TANGO6: variants seen among roughly 807,000 people sequenced by gnomAD.
TANGO6 encodes transport and Golgi organization protein 6 homolog.
Under a neutral mutation model 114.2 loss-of-function variants are expected in TANGO6, and 90 were observed. That is an observed-to-expected ratio of 0.79 (90% CI 0.66 to 0.94). TANGO6 has a LOEUF of 0.94. Ranked by LOEUF, TANGO6 falls within the 40% of genes least tolerant of loss-of-function variation. The pLI is 0.00. For synonymous variants in TANGO6, 477 were observed against 509.8 expected, an observed-to-expected ratio of 0.94 and a Z score of 0.87; for missense variants, 1,274 against 1,315.3, an observed-to-expected ratio of 0.97 and a Z score of 0.49.
intron 17 of TANGO6, among the ~76,000 whole-genome samples, chr16:69,067,165 G>A (rs999913143): frequency 3.9e-5 from 6 of 152,098 alleles, no homozygotes; most frequent in African/African-American, 9.7e-5. Context: ...CCGAAGTGCC[G>A]GGATCATAGG....
At chr16:69,039,918 T>C (rs1959748022) in intron 16 of TANGO6, among the ~76,000 whole-genome samples, 1 of 152,208 alleles carries the variant, frequency 6.6e-6, no homozygotes, top group Admixed American at 6.5e-5. Context: ...CCTCAGTCTC[T>C]AGAAGCAGCT....
intron 17 of TANGO6, among the ~76,000 whole-genome samples, chr16:69,054,148 G>A (rs1959996212): frequency 6.6e-6 from 1 of 152,204 alleles, no homozygotes; most frequent in East Asian, 1.9e-4. Flanking sequence ...GAAAGAGAAG[G>A]ATGGAGGTCT....
chr16:68,912,016 C>A (rs1205416493), intron 11 of TANGO6, among the ~76,000 whole-genome samples: 18 of 152,164 alleles, frequency 1.2e-4, no homozygotes, highest in Admixed American at 1.2e-3. Context: ...AAAAAACCCT[C>A]ATAGGACATC....
At chr16:69,024,233 T>G (rs1030182411) in intron 16 of TANGO6, among the ~76,000 whole-genome samples, 3 of 150,838 alleles carry the variant, frequency 2.0e-5, no homozygotes, top group Non-Finnish European at 2.9e-5. Flanking sequence ...AATGTGCGTC[T>G]TGCCCCTGGC....
At chr16:68,982,283 G>T (rs999702062) in intron 15 of TANGO6, among the ~76,000 whole-genome samples, 8 of 152,124 alleles carry the variant, frequency 5.3e-5, no homozygotes, top group African/African-American at 1.9e-4. Flanking sequence ...CCCTGGAGTT[G>T]TATAATATAC....
intron 17 of TANGO6, among the ~76,000 whole-genome samples, chr16:69,047,103 C>T (rs1450873980): frequency 6.6e-6 from 1 of 151,270 alleles, no homozygotes; most frequent in African/African-American, 2.4e-5. Context: ...ATCACTTGAA[C>T]CCAGGAGGTG....
At chr16:69,065,870 A>G (rs1292726773) in intron 17 of TANGO6, among the ~76,000 whole-genome samples, 2 of 152,156 alleles carry the variant, frequency 1.3e-5, no homozygotes, top group African/African-American at 2.4e-5. Context: ...TTTTATCAGG[A>G]AAGCATTATT....
chr16:68,913,177 C>T (rs1219685163), intron 11 of TANGO6, among the ~76,000 whole-genome samples: 2 of 151,800 alleles, frequency 1.3e-5, no homozygotes, highest in Non-Finnish European at 2.9e-5. Context: ...GCAATCCTCC[C>T]ACCTTAGCCT....
At chr16:68,991,721 G>A (rs1963947464) in intron 15 of TANGO6, among the ~76,000 whole-genome samples, 1 of 152,126 alleles carries the variant, frequency 6.6e-6, no homozygotes, top group Non-Finnish European at 1.5e-5. Context: ...GGGAGGCTGA[G>A]GCAGAAGAAT....
chr16:69,025,525 A>G (rs1406951689), intron 16 of TANGO6, among the ~76,000 whole-genome samples: 1 of 152,218 alleles, frequency 6.6e-6, no homozygotes, highest in Non-Finnish European at 1.5e-5. Flanking sequence ...TAGAAAACCA[A>G]TTAGGAAATG....
chr16:69,040,532 C>A, intron 17 of TANGO6, 111 bp downstream of exon 17: 1 of 810,654 alleles, frequency 1.2e-6, no homozygotes, highest in Non-Finnish European at 2.0e-6. Flanking sequence ...TGGATTCATC[C>A]AAATGAATCC....
At position 68,846,667 on chromosome 16, in the gene TANGO6, C is replaced by CTT. The variant is rs1260147357; in HGVS notation, c.94+2974_94+2975dup. ...CATGCCACTGTGCCTGGCTAATTTT[C>CTT]TTTTTTTTTTTTTTTTTTTAGTAGA... is the stretch of plus-strand genomic sequence containing the variant. On this transcript the variant is annotated intron_variant, in intron 1 of 17. Transcript: ENST00000261778. 5.8e-4 allele frequency: 73 copies of CTT among 124,848 alleles called. 1 individual carries two copies. The highest frequency in any genetic ancestry group is 2.1e-3 in the South Asian group (10 of 4,752). 7.7% of individuals were successfully genotyped at this position (124,848 alleles called of 1,614,324 possible).
chr16:69,050,811 G>A (rs578252738), intron 17 of TANGO6, among the ~76,000 whole-genome samples: 32 of 151,846 alleles, frequency 2.1e-4, no homozygotes, highest in South Asian at 6.2e-4. Context: ...TTTTTGTAGA[G>A]ATGGGGTCTC....
intron 17 of TANGO6, among the ~76,000 whole-genome samples, chr16:69,063,154 G>A (rs1032040869): frequency 6.6e-6 from 1 of 150,896 alleles, no homozygotes; most frequent in Non-Finnish European, 1.5e-5. Flanking sequence ...CTTGAACCCA[G>A]AAGGCGGAGG....
intron 15 of TANGO6, among the ~76,000 whole-genome samples, chr16:68,993,234 A>G (rs1344792135): frequency 6.6e-6 from 1 of 152,228 alleles, no homozygotes; most frequent in Non-Finnish European, 1.5e-5. Context: ...TTTAAAGATA[A>G]CAACATAATT....
chr16:69,001,827 A>G (rs1022674589), intron 15 of TANGO6, among the ~76,000 whole-genome samples: 8 of 152,212 alleles, frequency 5.3e-5, no homozygotes, highest in Non-Finnish European at 1.0e-4. Context: ...TAGGTACCCA[A>G]GAGCACACTT....
At chr16:68,882,390 G>A (rs763411811) in intron 7 of TANGO6, among the ~76,000 whole-genome samples, 9 of 152,052 alleles carry the variant, frequency 5.9e-5, no homozygotes, top group Middle Eastern at 3.4e-3. Flanking sequence ...CCAGCTACTC[G>A]GGAGGCTGAA....
chr16:69,045,971 G>A (rs1959850715), intron 17 of TANGO6, among the ~76,000 whole-genome samples: 1 of 149,232 alleles, frequency 6.7e-6, no homozygotes, highest in South Asian at 2.1e-4. Flanking sequence ...GGCTGAGGCA[G>A]GAGAATTGCT....
intron 1 of TANGO6, among the ~76,000 whole-genome samples, chr16:68,848,637 T>C (rs1453838425): frequency 6.6e-6 from 1 of 152,186 alleles, no homozygotes; most frequent in Non-Finnish European, 1.5e-5. Flanking sequence ...GACCCTTTTC[T>C]GTGCATATAA....
Sources: allele counts gnomAD v4.1 joint callset (sites outside exome capture counted in the v4.1 genomes callset), GRCh38; gene constraint gnomAD v4.1.1; transcripts MANE v1.5; gene names NCBI Gene and HGNC (gene_info 2026-07-23, HGNC 2026-07-21).